The following PRELID2 variants were observed in gnomAD, a reference collection of about 807,000 sequenced individuals.
PRELID2 encodes PRELI domain-containing protein 2.
PRELID2 carries 25 observed loss-of-function variants against 28.4 expected under a neutral mutation model. The ratio of observed to expected loss-of-function variants is 0.88; its 90% confidence interval spans 0.64 to 1.23. PRELID2 has a LOEUF of 1.23. Among genes scored for constraint, PRELID2 ranks in the 50% most tolerant of loss-of-function variants. The pLI, the probability that PRELID2 is intolerant of heterozygous loss-of-function variation, is 0.00. For missense variants in PRELID2, 201 were observed against 214.4 expected (o/e 0.94, Z 0.39); for synonymous variants, 76 against 71.6 (o/e 1.06, Z -0.31).
At chr5:145,716,456 T>C (rs925672453) in intron 1 of PRELID2, among the ~76,000 whole-genome samples, 8 of 152,140 alleles carry the variant, frequency 5.3e-5, no homozygotes, top group Admixed American at 5.2e-4. Context: ...GAAACCTCTT[T>C]CTCATCTTCA....
the PRELID2 span, among the ~76,000 whole-genome samples, chr5:145,242,279 G>A: frequency 6.6e-6 from 1 of 151,922 alleles, no homozygotes; most frequent in African/African-American, 2.4e-5. Flanking sequence ...ACTTCCAACT[G>A]AAACTAGCTG....
At chr5:145,392,490 G>T in the PRELID2 span, among the ~76,000 whole-genome samples, 1 of 152,172 alleles carries the variant, frequency 6.6e-6, no homozygotes, top group African/African-American at 2.4e-5. Flanking sequence ...AGATTTGGGT[G>T]AGGATACAGA....
At chr5:145,816,544 A>G (rs1754318548) in intron 4 of PRELID2, among the ~76,000 whole-genome samples, 1 of 152,132 alleles carries the variant, frequency 6.6e-6, no homozygotes, top group Non-Finnish European at 1.5e-5. Context: ...GTTTATTTCT[A>G]AGTGTCTTAT....
chr5:145,698,368 G>A (rs1251284947), intron 1 of PRELID2, among the ~76,000 whole-genome samples: 1 of 152,152 alleles, frequency 6.6e-6, no homozygotes, highest in African/African-American at 2.4e-5. Flanking sequence ...ATAGTCTACA[G>A]GAGAAGAGAG....
chr5:145,409,851 AAAGC>A, the PRELID2 span, among the ~76,000 whole-genome samples: 1 of 152,168 alleles, frequency 6.6e-6, no homozygotes, highest in Non-Finnish European at 1.5e-5. Context: ...CTGCATAGCC[AAAGC>A]AAGACTAAGC....
intron 1 of PRELID2, among the ~76,000 whole-genome samples, chr5:145,716,946 A>G (rs1430273447): frequency 6.6e-6 from 1 of 152,150 alleles, no homozygotes; most frequent in Non-Finnish European, 1.5e-5. Context: ...TTGATTGTTG[A>G]TATTGACTGA....
chr5:145,556,522 C>T (rs1385369504), intron 1 of PRELID2, among the ~76,000 whole-genome samples: 1 of 152,174 alleles, frequency 6.6e-6, no homozygotes, highest in Admixed American at 6.5e-5. Context: ...GTCCCTGCCT[C>T]AGGCACATTC....
chr5:145,644,333 G>A (rs994483391), intron 1 of PRELID2, among the ~76,000 whole-genome samples: 1 of 152,100 alleles, frequency 6.6e-6, no homozygotes, highest in Admixed American at 6.6e-5. Flanking sequence ...ATGGTAGTTT[G>A]CATTTCTGTG....
intron 1 of PRELID2, among the ~76,000 whole-genome samples, chr5:145,834,442 C>A (rs921056808): frequency 6.6e-6 from 1 of 152,138 alleles, no homozygotes; most frequent in Non-Finnish European, 1.5e-5. Context: ...AATATAAATT[C>A]TTGGTAAACA....
chr5:145,263,739 A>G, the PRELID2 span, among the ~76,000 whole-genome samples: 1 of 152,096 alleles, frequency 6.6e-6, no homozygotes, highest in South Asian at 2.1e-4. Context: ...TAGAAAACCT[A>G]GAGAAGACCA....
the PRELID2 span, among the ~76,000 whole-genome samples, chr5:145,461,413 C>T: frequency 6.6e-6 from 1 of 152,124 alleles, no homozygotes; most frequent in Non-Finnish European, 1.5e-5. Context: ...CGCCATTCTC[C>T]TGCCTCAGCC....
the PRELID2 span, among the ~76,000 whole-genome samples, chr5:145,452,110 C>G: frequency 6.6e-6 from 1 of 152,160 alleles, no homozygotes; most frequent in Non-Finnish European, 1.5e-5. Context: ...AATTCCCAGA[C>G]ATATCCTTCT....
intron 1 of PRELID2, chr5:145,825,985 C>T (rs1431309993): frequency 2.0e-6 from 2 of 982,236 alleles, no homozygotes; most frequent in Non-Finnish European, 2.4e-6. Context: ...AGGTCAATAC[C>T]AGGAACACTT....
chr5:145,722,736 C>G (rs1286827732), intron 1 of PRELID2, among the ~76,000 whole-genome samples: 1 of 151,956 alleles, frequency 6.6e-6, no homozygotes, highest in Non-Finnish European at 1.5e-5. Context: ...CTGTTCTAAG[C>G]TGATCCGCCC....
intron 1 of PRELID2, among the ~76,000 whole-genome samples, chr5:145,476,077 G>A (rs1456977047): frequency 6.6e-6 from 1 of 152,078 alleles, no homozygotes; most frequent in Non-Finnish European, 1.5e-5. Context: ...AAAGCATCTG[G>A]TTAAAATATA....
At chr5:145,781,215 G>C (rs903318937) in intron 5 of PRELID2, among the ~76,000 whole-genome samples, 4 of 152,136 alleles carry the variant, frequency 2.6e-5, no homozygotes, top group Admixed American at 6.5e-5. Flanking sequence ...AATGCTCCAG[G>C]GGAACAGCTG....
chr5:145,650,174 T>A (rs1754264567), intron 1 of PRELID2, among the ~76,000 whole-genome samples: 2 of 149,498 alleles, frequency 1.3e-5, no homozygotes, highest in South Asian at 4.1e-4. Flanking sequence ...AGGACCCTCT[T>A]CCCTAGCGTT....
intron 1 of PRELID2, among the ~76,000 whole-genome samples, chr5:145,650,521 CACATATATACATATATAT>C (rs1400237394): frequency 2.8e-5 from 3 of 105,400 alleles, no homozygotes; most frequent in Non-Finnish European, 5.4e-5. Context: ...TATCGAATCG[CACATATATACATATATAT>C]ATATATATAT....
At chr5:145,456,095 C>A in the PRELID2 span, among the ~76,000 whole-genome samples, 1 of 152,150 alleles carries the variant, frequency 6.6e-6, no homozygotes, top group East Asian at 1.9e-4. Flanking sequence ...CTTTGGCTTA[C>A]GAATGCTACT....
Sources: allele counts gnomAD v4.1 joint callset (sites outside exome capture counted in the v4.1 genomes callset), GRCh38; gene constraint gnomAD v4.1.1; transcripts MANE v1.5; gene names NCBI Gene and HGNC (gene_info 2026-07-23, HGNC 2026-07-21).